The following SLC30A8 variants were observed in gnomAD, a reference collection of about 807,000 sequenced individuals.
SLC30A8 encodes solute carrier family 30 member 8, also known as proton-coupled zinc antiporter SLC30A8.
SLC30A8 carries 27 observed loss-of-function variants against 36.9 expected under a neutral mutation model. That is an observed-to-expected ratio of 0.73 (90% confidence interval 0.54 to 1.01). The LOEUF is 1.01. Ranked by LOEUF, SLC30A8 falls within the 50% of genes least tolerant of loss-of-function variation. The pLI is 0.00. For missense variants in SLC30A8, 439 were observed against 452.0 expected (o/e 0.97, Z 0.26); for synonymous variants, 164 against 172.4 (o/e 0.95, Z 0.38).
chr8:117,146,826 T>C, intron 1 of SLC30A8, 128 bp from the exon 2 acceptor site: 1 of 1,456,114 alleles, frequency 6.9e-7, no homozygotes, highest in Non-Finnish European at 9.1e-7. Flanking sequence ...TAGAAGGAGC[T>C]GCAAATGAAC....
intron 2 of SLC30A8, among the ~76,000 whole-genome samples, chr8:117,097,396 C>CAAAAAA (rs1157294543): frequency 2.8e-4 from 7 of 25,046 alleles, no homozygotes; most frequent in African/African-American, 7.7e-4. Flanking sequence ...GACTCCATCT[C>CAAAAAA]AAAAAAAAAA....
chr8:117,019,003 A>T (rs1006660689), intron 1 of SLC30A8, among the ~76,000 whole-genome samples: 8 of 151,340 alleles, frequency 5.3e-5, no homozygotes, highest in East Asian at 3.9e-4. Flanking sequence ...AGCATTTTTT[A>T]AAAAATTTTT....
intron 2 of SLC30A8, among the ~76,000 whole-genome samples, chr8:117,085,695 A>G (rs1818851287): frequency 6.6e-6 from 1 of 152,146 alleles, no homozygotes; most frequent in Non-Finnish European, 1.5e-5. Context: ...ACTTCTCAAG[A>G]CAATCCTAGC....
chr8:117,093,977 G>A (rs565004013), intron 2 of SLC30A8, among the ~76,000 whole-genome samples: 4 of 152,366 alleles, frequency 2.6e-5, no homozygotes, highest in African/African-American at 9.6e-5. Context: ...CTGGCTCCCT[G>A]CGAGGCTTTG....
rs561439714 is a variant in SLC30A8 at position 116,989,575 on chromosome 8, C to T, written c.-266+38456C>T. On this transcript the variant is annotated intron_variant, in intron 1 of 10. Transcript: ENST00000427715. ...TTGTTTATTATTTACCTAAATTGTT[C>T]GTTCTTTCTCCCATTTACCTCATCT... is the stretch of plus-strand genomic sequence containing the variant. Among the ~76,000 whole-genome samples, 20 of 152,194 alleles carry T rather than the reference C, an allele frequency of 1.3e-4. No homozygotes were observed. In the South Asian group the frequency reaches 3.9e-3, roughly 30 times the overall value.
At chr8:116,957,395 C>T (rs1043839202) in intron 1 of SLC30A8, among the ~76,000 whole-genome samples, 13 of 152,060 alleles carry the variant, frequency 8.5e-5, no homozygotes, top group African/African-American at 1.7e-4. Context: ...CTCAGCCTCT[C>T]GAGTAGCTGG....
chr8:117,152,382 G>A (rs945099315), intron 2 of SLC30A8, among the ~76,000 whole-genome samples: 5 of 152,078 alleles, frequency 3.3e-5, no homozygotes, highest in Admixed American at 6.5e-5. Context: ...CACTGAGGAC[G>A]CCCATTGGAA....
At chr8:117,159,088 C>G (rs530266453) in intron 4 of SLC30A8, among the ~76,000 whole-genome samples, 1 of 152,124 alleles carries the variant, frequency 6.6e-6, no homozygotes, top group Non-Finnish European at 1.5e-5. Context: ...CCTCTGGAAG[C>G]TAGAAAAGAC....
At chr8:117,046,765 C>A (rs975552670) in intron 2 of SLC30A8, among the ~76,000 whole-genome samples, 1 of 152,234 alleles carries the variant, frequency 6.6e-6, no homozygotes, top group East Asian at 1.9e-4. Context: ...CTTTCTATAG[C>A]TGTCTTTCTC....
chr8:117,168,072 A>G (rs1823153436), intron 6 of SLC30A8, among the ~76,000 whole-genome samples: 1 of 151,398 alleles, frequency 6.6e-6, no homozygotes, highest in Non-Finnish European at 1.5e-5. Flanking sequence ...GGAGAACGGT[A>G]TGGGGGAACT....
At chr8:117,141,057 C>CCAAGT (rs1821628423) in intron 1 of SLC30A8, among the ~76,000 whole-genome samples, 1 of 151,846 alleles carries the variant, frequency 6.6e-6, no homozygotes, top group South Asian at 2.1e-4. Flanking sequence ...CAAAGAAAGC[C>CCAAGT]CAAGTCCAGA....
At chr8:117,047,727 T>C (rs1202349771) in intron 2 of SLC30A8, among the ~76,000 whole-genome samples, 2 of 152,180 alleles carry the variant, frequency 1.3e-5, no homozygotes, top group African/African-American at 4.8e-5. Flanking sequence ...AAAATGAGGC[T>C]GAAACCTACT....
At chr8:116,996,355 A>AT (rs1228688483) in intron 1 of SLC30A8, among the ~76,000 whole-genome samples, 2 of 152,140 alleles carry the variant, frequency 1.3e-5, no homozygotes, top group African/African-American at 4.8e-5. Flanking sequence ...TCTTTATTTT[A>AT]TTTTAATTAA....
chr8:117,172,504 G>A, intron 7 of SLC30A8, 32 bp from the exon 8 acceptor site: 1 of 1,613,368 alleles, frequency 6.2e-7, no homozygotes, highest in Non-Finnish European at 8.5e-7. Flanking sequence ...TGTGCAATCA[G>A]TGCTAATCTC....
chr8:117,172,420 G>A, intron 7 of SLC30A8, 116 bp from the exon 8 acceptor site: 2 of 1,377,498 alleles, frequency 1.5e-6, no homozygotes, highest in Non-Finnish European at 2.1e-6. Context: ...TCCTCTGAGT[G>A]CCCTGCCTCT....
intron 2 of SLC30A8, among the ~76,000 whole-genome samples, chr8:117,059,545 C>T (rs1165699820): frequency 6.6e-6 from 1 of 152,204 alleles, no homozygotes; most frequent in African/African-American, 2.4e-5. Flanking sequence ...CCTTGGGCCA[C>T]ATCTTGACCT....
chr8:117,010,515 C>A (rs1015142105), intron 1 of SLC30A8, among the ~76,000 whole-genome samples: 1 of 152,156 alleles, frequency 6.6e-6, no homozygotes, highest in African/African-American at 2.4e-5. Flanking sequence ...AGGCAACGGT[C>A]GAAAAGCATT....
chr8:117,026,792 T>G (rs1181894440), intron 1 of SLC30A8, among the ~76,000 whole-genome samples: 1 of 152,202 alleles, frequency 6.6e-6, no homozygotes, highest in East Asian at 1.9e-4. Flanking sequence ...CTGGATACTT[T>G]ATCTTGTTTA....
chr8:117,009,864 T>C (rs1008968121), intron 1 of SLC30A8, among the ~76,000 whole-genome samples: 1 of 152,240 alleles, frequency 6.6e-6, no homozygotes, highest in Non-Finnish European at 1.5e-5. Flanking sequence ...GAACATTTTT[T>C]GTCCTCTCTT....
Sources: gnomAD v4.1 joint callset for allele counts (sites outside exome capture counted in the v4.1 genomes callset) on GRCh38, gnomAD v4.1.1 for gene constraint, MANE v1.5 for transcripts, NCBI Gene and HGNC (gene_info 2026-07-23, HGNC 2026-07-21) for gene names.